The following ZMYND11 variants were observed in gnomAD, a reference collection of about 807,000 sequenced individuals.
The protein encoded by ZMYND11 is zinc finger MYND-type containing 11, also known as zinc finger MYND domain-containing protein 11.
A neutral mutation model predicts 84.9 loss-of-function variants in ZMYND11; 9 were observed. The ratio of observed to expected loss-of-function variants is 0.11; its 90% CI spans 0.06 to 0.18. ZMYND11 has a LOEUF of 0.18. ZMYND11 is among the 10% of genes least tolerant of loss of function. ZMYND11 has a pLI of 1.00. For missense variants in ZMYND11, 409 were observed against 761.0 expected (o/e 0.54, Z 5.44); for synonymous variants, 250 against 244.1 (o/e 1.02, Z -0.23).
At chr10:200,205 G>GGGGGGTGTGTGTGTGTGTGTGTGTGT (rs1554774397) in intron 2 of ZMYND11, among the ~76,000 whole-genome samples, 1 of 132,434 alleles carries the variant, frequency 7.6e-6, no homozygotes, top group African/African-American at 2.8e-5. Flanking sequence ...GCCTGGCTAG[G>GGGGGGTGTGTGTGTGTGTGTGTGTGT]GTGTGTGTGT....
intron 14 of ZMYND11, chr10:249,389 C>G: frequency 9.1e-7 from 1 of 1,100,380 alleles, no homozygotes; most frequent in Non-Finnish European, 1.1e-6. Flanking sequence ...TTTATTTGGG[C>G]AAAGTGGCTG....
At position 252,523 on chromosome 10, in the gene ZMYND11, T is replaced by C; in HGVS notation, c.*53T>C. 6.5e-7 allele frequency: 1 copy of C among 1,534,014 alleles called. No individual in the cohort carries two copies. The highest frequency in any genetic ancestry group is 8.8e-7 in the Non-Finnish European group (1 of 1,141,648). On this transcript the variant is annotated 3_prime_UTR_variant, in exon 15 of 15. Coordinates refer to ENST00000381604, the MANE Select transcript of ZMYND11 (RefSeq NM_001370100.5). The surrounding 1 kb of genome is among the most constrained non-coding windows in gnomAD (Gnocchi z 4.6). Reference sequence around the variant, plus strand: ...TGATTACTCTTTTCAGACACAGCGGTTTTTGTTTCCAAGAAGCCAAAATTG... The same window carrying C: ...TGATTACTCTTTTCAGACACAGCGGCTTTTGTTTCCAAGAAGCCAAAATTG...
chr10:133,477 A>C (rs1314370563), upstream of ZMYND11, among the ~76,000 whole-genome samples: 1 of 152,176 alleles, frequency 6.6e-6, no homozygotes, highest in Non-Finnish European at 1.5e-5. Flanking sequence ...TGAATGAGAG[A>C]TGGTATCTGC....
chr10:210,117 C>A, intron 3 of ZMYND11, 69 bp downstream of exon 3: 1 of 1,502,196 alleles, frequency 6.7e-7, no homozygotes, highest in Non-Finnish European at 9.1e-7. Context: ...TTAGATACAA[C>A]CTATAGAAAA....
At chr10:153,081 C>T (rs1554757591) in intron 1 of ZMYND11, among the ~76,000 whole-genome samples, 1 of 152,126 alleles carries the variant, frequency 6.6e-6, no homozygotes, top group African/African-American at 2.4e-5. Context: ...GTCTCTCTGC[C>T]CTTGAATACC....
chr10:249,603 A>G (rs1345803840), intron 14 of ZMYND11: 1 of 985,202 alleles, frequency 1.0e-6, no homozygotes, highest in Non-Finnish European at 1.2e-6. Context: ...GACTAGTATC[A>G]TTTGTCATCG....
intron 2 of ZMYND11, among the ~76,000 whole-genome samples, chr10:186,642 C>CAAAAAAAAAAAA (rs56345833): frequency 4.2e-5 from 4 of 95,154 alleles, no homozygotes; most frequent in African/African-American, 1.6e-4. Flanking sequence ...AGGACTCTCT[C>CAAAAAAAAAAAA]AAAAAAAAAA....
At chr10:131,006 G>C (rs560038715), upstream of ZMYND11, among the ~76,000 whole-genome samples, 591 of 152,180 alleles carry the variant, frequency 3.9e-3, 3 homozygotes, top group Non-Finnish European at 6.2e-3. Flanking sequence ...GGTCCCAGCT[G>C]CTCGGGAGGC....
intron 2 of ZMYND11, among the ~76,000 whole-genome samples, chr10:197,535 A>C (rs1942107301): frequency 6.6e-6 from 1 of 152,246 alleles, no homozygotes; most frequent in African/African-American, 2.4e-5. Context: ...CAGCCTGCTG[A>C]GGATGTGTTG....
intron 9 of ZMYND11, 57 bp downstream of exon 9, chr10:241,027 C>G: frequency 7.3e-7 from 1 of 1,369,952 alleles, no homozygotes; most frequent in Non-Finnish European, 1.0e-6. Context: ...AGTTTATTTC[C>G]AGTTTGGTTA....
At chr10:214,849 C>G (rs1421206652) in intron 3 of ZMYND11, among the ~76,000 whole-genome samples, 1 of 152,108 alleles carries the variant, frequency 6.6e-6, no homozygotes, top group East Asian at 1.9e-4. Flanking sequence ...AGAATTTTAC[C>G]ATTTGCTGGG....
chr10:163,124 G>A (rs1843273284), intron 1 of ZMYND11, among the ~76,000 whole-genome samples: 1 of 152,166 alleles, frequency 6.6e-6, no homozygotes, highest in African/African-American at 2.4e-5. Flanking sequence ...TGATCATTTA[G>A]AGGGATTAGA....
At chr10:193,795 C>T (rs183351310) in intron 2 of ZMYND11, among the ~76,000 whole-genome samples, 26 of 152,228 alleles carry the variant, frequency 1.7e-4, no homozygotes, top group Admixed American at 1.2e-3. Context: ...ATTAGCTTTG[C>T]CTGTTTTAGA....
intron 2 of ZMYND11, among the ~76,000 whole-genome samples, chr10:183,388 G>C (rs1174512634): frequency 1.3e-5 from 2 of 151,930 alleles, no homozygotes; most frequent in Admixed American, 6.6e-5. Context: ...TTGGGGGAGG[G>C]GGCAAGACTA....
chr10:154,183 TTTCTC>T (rs1414599689), intron 1 of ZMYND11, among the ~76,000 whole-genome samples: 1 of 152,190 alleles, frequency 6.6e-6, no homozygotes, highest in African/African-American at 2.4e-5. Flanking sequence ...ATTAGCACAT[TTTCTC>T]TTCATTTTTC....
At chr10:174,159 C>G (rs571073826) in intron 1 of ZMYND11, among the ~76,000 whole-genome samples, 1 of 152,250 alleles carries the variant, frequency 6.6e-6, no homozygotes, top group South Asian at 2.1e-4. Flanking sequence ...AACCTTTCCT[C>G]GAGTAGGTGA....
intron 4 of ZMYND11, among the ~76,000 whole-genome samples, chr10:236,443 G>A (rs1949986017): frequency 6.6e-6 from 1 of 152,286 alleles, no homozygotes; most frequent in South Asian, 2.1e-4. Flanking sequence ...GAATAATGTT[G>A]TATTGAAATT....
chr10:181,151 A>G (rs1230994702), intron 2 of ZMYND11, among the ~76,000 whole-genome samples: 2 of 152,240 alleles, frequency 1.3e-5, no homozygotes, highest in Non-Finnish European at 2.9e-5. Context: ...AATAATTTAG[A>G]GAAAATTTCT....
intron 6 of ZMYND11, 49 bp downstream of exon 6, chr10:237,726 A>G (rs1332371918): frequency 2.8e-6 from 4 of 1,427,732 alleles, no homozygotes; most frequent in Admixed American, 3.9e-5. Flanking sequence ...TTCTTAACTA[A>G]CAAGTTAAAG....
Sources: gnomAD v4.1 joint callset for allele counts (sites outside exome capture counted in the v4.1 genomes callset) on GRCh38, gnomAD v4.1.1 for gene constraint, Gnocchi (gnomAD v3.1) non-coding constraint, MANE v1.5 for transcripts, NCBI Gene and HGNC (gene_info 2026-07-23, HGNC 2026-07-21) for gene names.